PAPOLA: variants seen among roughly 807,000 people sequenced by gnomAD.
PAPOLA encodes polynucleotide adenylyltransferase alpha.
In PAPOLA, 15 loss-of-function variants were observed where a neutral mutation model predicts 100.6. That is an observed-to-expected ratio of 0.15 (90% confidence interval 0.10 to 0.23). The LOEUF (loss-of-function observed/expected upper bound fraction) is 0.23, where lower values mean the gene tolerates loss of function less well. Ranked by LOEUF, PAPOLA falls within the 10% of genes least tolerant of loss-of-function variation. PAPOLA has a pLI of 1.00. For synonymous variants in PAPOLA, 293 were observed against 300.0 expected, an observed-to-expected ratio of 0.98 and a Z score of 0.24; for missense variants, 533 against 884.2, an observed-to-expected ratio of 0.60 and a Z score of 5.04.
intron 7 of PAPOLA, chr14:96,532,083 A>T: frequency 7.7e-7 from 1 of 1,293,584 alleles, no homozygotes. Flanking sequence ...GGCAGGTTAC[A>T]GTTTACTTTG....
At chr14:96,527,393 A>C (rs1324177942) in intron 4 of PAPOLA, 37 bp from the exon 5 acceptor site, 3 of 1,191,656 alleles carry the variant, frequency 2.5e-6, no homozygotes, top group Non-Finnish European at 3.8e-6. Flanking sequence ...TTTTCTTGTA[A>C]TATTAATTAG....
chr14:96,509,496 C>T (rs530474917), intron 1 of PAPOLA, among the ~76,000 whole-genome samples: 1 of 152,112 alleles, frequency 6.6e-6, no homozygotes, highest in Non-Finnish European at 1.5e-5. Flanking sequence ...CAGAATGTAA[C>T]ATACTATAGA....
chr14:96,562,073 T>G (rs1901898155), intron 20 of PAPOLA, among the ~76,000 whole-genome samples: 1 of 152,046 alleles, frequency 6.6e-6, no homozygotes, highest in South Asian at 2.1e-4. Context: ...TTTGTATTTT[T>G]AGTAGAGATG....
chr14:96,532,499 C>G lies in PAPOLA; in HGVS notation c.698-12C>G. ...ACACTAACTTATCTTTTTGCTTTTCCCTTATCAACAGGCCACAACATCTAT... is the reference window on the plus strand; with the variant it reads ...ACACTAACTTATCTTTTTGCTTTTCGCTTATCAACAGGCCACAACATCTAT... On this transcript the variant is annotated splice_polypyrimidine_tract_variant and intron_variant, in intron 8 of 21. Transcript: ENST00000216277. 2 of 1,604,430 alleles carry G rather than the reference C, an allele frequency of 1.2e-6. No individual in the cohort carries two copies. Among genetic ancestry groups the G allele is most frequent in the Non-Finnish European group, 1.7e-6 (2 of 1,177,054 alleles).
intron 17 of PAPOLA, among the ~76,000 whole-genome samples, chr14:96,554,377 G>C (rs571672416): frequency 6.6e-6 from 1 of 152,196 alleles, no homozygotes; most frequent in African/African-American, 2.4e-5. Context: ...TCTTTTGTCT[G>C]TTTATCCCCT....
At chr14:96,513,095 C>T (rs765277891) in intron 1 of PAPOLA, among the ~76,000 whole-genome samples, 22 of 152,118 alleles carry the variant, frequency 1.4e-4, no homozygotes, top group African/African-American at 9.7e-5. Context: ...GATGGAGTCC[C>T]GCTTGTTGCT....
At chr14:96,509,071 G>T (rs1896925403) in intron 1 of PAPOLA, among the ~76,000 whole-genome samples, 1 of 152,170 alleles carries the variant, frequency 6.6e-6, no homozygotes, top group Admixed American at 6.5e-5. Flanking sequence ...ACTCACTGTT[G>T]CCCAGGCTGG....
chr14:96,548,550 A>G (rs1269333193), intron 16 of PAPOLA, among the ~76,000 whole-genome samples: 2 of 152,180 alleles, frequency 1.3e-5, no homozygotes, highest in East Asian at 1.9e-4. Context: ...GATTTCAAAA[A>G]TAGATGGTTT....
At chr14:96,531,436 G>A (rs76515935) in intron 6 of PAPOLA, 39 bp from the exon 7 acceptor site, 84,670 of 1,479,936 alleles carry the variant, frequency 0.057, 2,591 homozygotes, top group Admixed American at 0.063. Context: ...CTTAAAAGTA[G>A]TTTGACAGAT....
chr14:96,541,965 A>G, intron 12 of PAPOLA: 1 of 229,722 alleles, frequency 4.4e-6, no homozygotes, highest in Non-Finnish European at 8.6e-6. Context: ...AATCGGTGTC[A>G]TTGAGCAAAA....
At chr14:96,548,787 G>A (rs2140314113) in intron 16 of PAPOLA, among the ~76,000 whole-genome samples, 1 of 152,280 alleles carries the variant, frequency 6.6e-6, no homozygotes, top group Non-Finnish European at 1.5e-5. Context: ...AAAATGGCTG[G>A]TTGTCTGGGA....
At chr14:96,512,871 A>T (rs774843235) in intron 1 of PAPOLA, among the ~76,000 whole-genome samples, 1 of 152,218 alleles carries the variant, frequency 6.6e-6, no homozygotes, top group Non-Finnish European at 1.5e-5. Flanking sequence ...CTATGAGATC[A>T]AGAGAGTTAA....
intron 12 of PAPOLA, 130 bp downstream of exon 12, chr14:96,537,190 T>C: frequency 1.6e-6 from 1 of 631,626 alleles, no homozygotes; most frequent in South Asian, 2.0e-5. Context: ...AAGGACATAC[T>C]GTTTTAGTGA....
chr14:96,556,238 C>T lies in PAPOLA; in HGVS notation c.1829C>T (p.Pro610Leu), dbSNP rs372466740. The T allele has an allele frequency of 5.5e-5, 89 of 1,613,954 alleles. No homozygotes were observed. The highest frequency in any genetic ancestry group is 6.9e-5 in the Non-Finnish European group (81 of 1,180,028). ...CCAGCCATTTCTCCACCACCAAAGCCTACGGTCTCCAGAGTTGTTTCTTCA... is the reference window on the plus strand; with the variant it reads ...CCAGCCATTTCTCCACCACCAAAGCTTACGGTCTCCAGAGTTGTTTCTTCA... ...TQPAISPPPK[P>L]TVSRVVSSTR... Residue 610 changes from proline to leucine, a missense_variant, in exon 19 of 22, where the codon CCT (proline) becomes CTT (leucine). By Grantham distance (98) the Pro-to-Leu change is moderately conservative. This residue lies in a region of PAPOLA where 242 missense variants were observed against 281.0 expected (regional missense o/e 0.86). Transcript: ENST00000216277.
At position 96,538,958 on chromosome 14, in the gene PAPOLA, A is replaced by G. The variant is rs191046072; in HGVS notation, c.1115+1898A>G. ...ACCTGACATTCTTGGAAGGAGCCAG[A>G]ACCATGGAGAAAAATCTCGTTTGTT... On this transcript the variant is annotated intron_variant, in intron 12 of 21. Coordinates refer to ENST00000216277, the MANE Select transcript of PAPOLA (RefSeq NM_032632.5). 2.2e-3 allele frequency among the ~76,000 whole-genome samples: 341 copies of G among 152,228 alleles called. 2 individuals carry two copies. The highest frequency in any genetic ancestry group is 7.8e-3 in the African/African-American group (325 of 41,578).
chr14:96,556,367 C>G lies in PAPOLA; in HGVS notation c.1958C>G (p.Ser653Cys), dbSNP rs776940311. ...CCTATAGTAGGAGTCAAGAGGACAT[C>G]CTCACCTCATAAAGAAGAGAGTCCC... ...PTPIVGVKRT[S>C]SPHKEESPKK... Residue 653 changes from serine (S) to cysteine (C), a missense_variant, in exon 19 of 22, where the codon TCC becomes TGC. Around this residue, in one of 9 missense-constraint regions of PAPOLA, gnomAD observed 242 missense variants for 281.0 expected, o/e 0.86. Coordinates refer to ENST00000216277, the MANE Select transcript of PAPOLA (RefSeq NM_032632.5). The G allele has an allele frequency of 6.2e-6, 10 of 1,613,576 alleles. No homozygotes were observed. The highest frequency in any genetic ancestry group is 1.3e-5 in the African/African-American group (1 of 74,832).
chr14:96,520,525 G>A lies in PAPOLA; in HGVS notation c.182+297G>A, dbSNP rs375841247. Among the ~76,000 whole-genome samples, 288 of 152,102 alleles carry A rather than the reference G, an allele frequency of 1.9e-3. 2 individuals carry two copies. The highest frequency in any genetic ancestry group is 6.5e-3 in the African/African-American group (268 of 41,490). ...CGAGTAGCTGGGATTATAGGTACCCGCCACCACGCCCGGCTAATTTTTTGT... is the reference window on the plus strand; with the variant it reads ...CGAGTAGCTGGGATTATAGGTACCCACCACCACGCCCGGCTAATTTTTTGT... On this transcript the variant is annotated intron_variant, in intron 2 of 21. Transcript: ENST00000216277.
intron 1 of PAPOLA, among the ~76,000 whole-genome samples, chr14:96,518,414 CTT>C (rs397966631): frequency 6.9e-6 from 1 of 145,328 alleles, no homozygotes; most frequent in Non-Finnish European, 1.5e-5. Flanking sequence ...TTGCTTTTTG[CTT>C]TTTTTTTTTT....
At chr14:96,536,287 A>T (rs1042550775) in intron 11 of PAPOLA, among the ~76,000 whole-genome samples, 1 of 152,152 alleles carries the variant, frequency 6.6e-6, no homozygotes, top group African/African-American at 2.4e-5. Context: ...CAGTTTGTCT[A>T]CACTGGTTGA....
Sources: allele counts gnomAD v4.1 joint callset (sites outside exome capture counted in the v4.1 genomes callset), GRCh38; gene constraint gnomAD v4.1.1; regional missense constraint gnomAD v4.1.1; transcripts MANE v1.5; gene names NCBI Gene and HGNC (gene_info 2026-07-23, HGNC 2026-07-21).